The following USP12 variants were observed in gnomAD, a reference collection of about 807,000 sequenced individuals.
USP12 encodes ubiquitin carboxyl-terminal hydrolase 12.
In USP12, 19 loss-of-function variants were observed where a neutral mutation model predicts 45.5. That is an observed-to-expected ratio of 0.42 (90% CI 0.29 to 0.61). The LOEUF (loss-of-function observed/expected upper bound fraction) is 0.61, where lower values mean the gene tolerates loss of function less well. Among genes scored for constraint, USP12 ranks in the 20% least tolerant of loss-of-function variants. USP12 has a pLI of 0.22. For missense variants in USP12, 242 were observed against 447.7 expected (o/e 0.54, Z 4.15); for synonymous variants, 149 against 148.8 (o/e 1.00, Z -0.01).
intron 1 of USP12, among the ~76,000 whole-genome samples, chr13:27,132,446 A>G (rs1235757808): frequency 1.3e-5 from 2 of 152,238 alleles, no homozygotes; most frequent in Non-Finnish European, 2.9e-5. Context: ...AAGAAAAGAA[A>G]AAGAAAAAGC....
chr13:27,109,448 A>C (rs1247859740), intron 2 of USP12, among the ~76,000 whole-genome samples: 1 of 152,200 alleles, frequency 6.6e-6, no homozygotes, highest in Non-Finnish European at 1.5e-5. Context: ...AGACAATACC[A>C]CAAAGAAGGA....
chr13:27,103,418 A>C (rs1161635298), intron 3 of USP12, among the ~76,000 whole-genome samples: 1 of 152,014 alleles, frequency 6.6e-6, no homozygotes, highest in Non-Finnish European at 1.5e-5. Context: ...CTATTAAAAA[A>C]ATGGCTTTTC....
intron 2 of USP12, among the ~76,000 whole-genome samples, chr13:27,112,476 A>G (rs999772183): frequency 5.9e-5 from 9 of 151,564 alleles, no homozygotes; most frequent in African/African-American, 1.9e-4. Flanking sequence ...TTTAAGAGAC[A>G]GGGTCTCACT....
chr13:27,132,317 T>C (rs896322251), intron 1 of USP12, among the ~76,000 whole-genome samples: 22 of 152,234 alleles, frequency 1.4e-4, no homozygotes, highest in Non-Finnish European at 1.9e-4. Flanking sequence ...GAGGGGCCAG[T>C]AGAAATGTTA....
In USP12 at chr13:27,171,739, CGAGCCGCCGCGGACCCA is replaced by C. The variant is rs1164552270; in HGVS notation, c.-117_-101del. On this transcript the variant is annotated 5_prime_UTR_variant, in exon 1 of 9. Transcript: ENST00000282344. ...CGCACCGCAGCCCGCGGGCGGACCCCGAGCCGCCGCGGACCCAACCACCGAGCCCGCTGGGCCGCCGC... is the reference window on the plus strand; with the variant it reads ...CGCACCGCAGCCCGCGGGCGGACCCCACCACCGAGCCCGCTGGGCCGCCGC... The C allele has an allele frequency of 4.1e-6, 3 of 728,428 alleles. No individual in the cohort carries two copies. In the African/African-American group the frequency reaches 5.9e-5, roughly 14 times the overall value. 45.1% of individuals were successfully genotyped at this position (728,428 alleles called of 1,614,324 possible).
In USP12 at chr13:27,131,431, G is replaced by A. The variant is rs117695553; in HGVS notation, c.49-14835C>T. ...AGTGAATGTGAAAGTGCTGTAAAACGTAAAGCATTATGTAAAGGTATGACT... is the reference window on the plus strand; with the variant it reads ...AGTGAATGTGAAAGTGCTGTAAAACATAAAGCATTATGTAAAGGTATGACT... On this transcript the variant is annotated intron_variant, in intron 1 of 8. Transcript: ENST00000282344. Among the ~76,000 whole-genome samples, 1,144 of 152,286 alleles carry A rather than the reference G, an allele frequency of 7.5e-3. 19 individuals are homozygous for A. Among genetic ancestry groups the A allele is most frequent in the Middle Eastern group, 0.024 (7 of 294 alleles).
At chr13:27,094,457 G>A (rs1383573818) in intron 4 of USP12, among the ~76,000 whole-genome samples, 1 of 151,996 alleles carries the variant, frequency 6.6e-6, no homozygotes, top group Admixed American at 6.6e-5. Flanking sequence ...ATCTATAACA[G>A]TGTCACTGCA....
intron 3 of USP12, among the ~76,000 whole-genome samples, chr13:27,097,462 T>C (rs1489150975): frequency 6.6e-6 from 1 of 152,076 alleles, no homozygotes; most frequent in Non-Finnish European, 1.5e-5. Context: ...CAAAACTCCA[T>C]CTCAAAAACA....
intron 6 of USP12, among the ~76,000 whole-genome samples, chr13:27,079,343 T>A (rs1214469445): frequency 1.3e-5 from 2 of 152,160 alleles, no homozygotes; most frequent in African/African-American, 2.4e-5. Context: ...CTCAGATTTC[T>A]CTTGACCACA....
At chr13:27,096,354 T>A (rs1874582516) in intron 3 of USP12, among the ~76,000 whole-genome samples, 1 of 152,220 alleles carries the variant, frequency 6.6e-6, no homozygotes, top group Admixed American at 6.5e-5. Context: ...AGAGTCAGGT[T>A]TAAGAATCAT....
At chr13:27,082,000 A>G (rs1873782327) in intron 6 of USP12, among the ~76,000 whole-genome samples, 1 of 152,202 alleles carries the variant, frequency 6.6e-6, no homozygotes, top group African/African-American at 2.4e-5. Context: ...GATTCAGCGT[A>G]ATTCTTAAGA....
intron 2 of USP12, among the ~76,000 whole-genome samples, chr13:27,113,437 C>T (rs1875561733): frequency 6.6e-6 from 1 of 152,186 alleles, no homozygotes; most frequent in Non-Finnish European, 1.5e-5. Context: ...TGCCCTCTTG[C>T]ACCAACCAGT....
chr13:27,149,569 G>A (rs1877478099), intron 1 of USP12, among the ~76,000 whole-genome samples: 1 of 152,192 alleles, frequency 6.6e-6, no homozygotes, highest in Non-Finnish European at 1.5e-5. Context: ...CAATTGTATT[G>A]ATCTCATAAA....
At position 27,071,113 on chromosome 13, in the gene USP12, C is replaced by G; in HGVS notation, c.969G>C (p.Lys323Asn). 6.2e-7 allele frequency: 1 copy of G among 1,609,538 alleles called. No homozygotes were observed. Among genetic ancestry groups the G allele is most frequent in the South Asian group, 1.1e-5 (1 of 89,690 alleles). ...CAAACAACAACCAAAAATCATGACT[C>G]TTAACTATTGCAATATAATGGCCTC... ...PNRGHYIAIV[K>N]SHDFWLLFDD... Residue 323 changes from lysine (K) to asparagine (N), a missense_variant, in exon 8 of 9, where the codon AAG becomes AAC. Coordinates refer to ENST00000282344, the MANE Select transcript of USP12 (RefSeq NM_182488.4).
intron 1 of USP12, among the ~76,000 whole-genome samples, chr13:27,127,193 A>G (rs146629947): frequency 1.8e-3 from 272 of 152,380 alleles, no homozygotes; most frequent in African/African-American, 5.9e-3. Context: ...GTTTTTAACT[A>G]TCCCATCAAA....
At chr13:27,098,289 G>T (rs1874693088) in intron 3 of USP12, among the ~76,000 whole-genome samples, 1 of 151,634 alleles carries the variant, frequency 6.6e-6, no homozygotes, top group Admixed American at 6.6e-5. Flanking sequence ...CAACATAAAT[G>T]AAGACAAGTG....
intron 1 of USP12, among the ~76,000 whole-genome samples, chr13:27,148,676 T>TTA (rs59164229): frequency 0.091 from 12,643 of 139,294 alleles, 733 homozygotes; most frequent in African/African-American, 0.16. Context: ...AAAAAAAAAA[T>TTA]TATATATATA....
chr13:27,140,242 G>A lies in USP12; in HGVS notation c.49-23646C>T, dbSNP rs370285877. On this transcript the variant is annotated intron_variant, in intron 1 of 8. Transcript: ENST00000282344. ...ATGTTGTGTAGTGACTGGAGGGAGC[G>A]AAACAGTGGTTTCAGAAGTACTGAT... Among the ~76,000 whole-genome samples the A allele has an allele frequency of 7.9e-5, 12 of 152,270 alleles. No individual in the cohort carries two copies. The South Asian group carries it at 1.0e-3, about 13-fold the overall frequency.
chr13:27,161,906 A>G (rs1337404351), intron 1 of USP12, among the ~76,000 whole-genome samples: 2 of 50,012 alleles, frequency 4.0e-5, no homozygotes, highest in African/African-American at 9.3e-5. Context: ...AATAAAAAAA[A>G]ATTAAAAAGC....
Sources: gnomAD v4.1 joint callset for allele counts (sites outside exome capture counted in the v4.1 genomes callset) on GRCh38, gnomAD v4.1.1 for gene constraint, MANE v1.5 for transcripts, NCBI Gene and HGNC (gene_info 2026-07-23, HGNC 2026-07-21) for gene names.